SPRY3: variants seen among roughly 807,000 people sequenced by gnomAD.
SPRY3 encodes the protein protein sprouty homolog 3.
Under a neutral mutation model 20.2 loss-of-function variants are expected in SPRY3, and 15 were observed. That is an observed-to-expected ratio of 0.74 (90% CI 0.50 to 1.14). The LOEUF (loss-of-function observed/expected upper bound fraction) is 1.14. SPRY3 is among the 50% of genes most tolerant of loss of function. The probability of loss-of-function intolerance (pLI) is 0.00; values close to 1 mark genes in which losing one functional copy is unlikely to be tolerated. For missense variants in SPRY3, 364 were observed against 363.9 expected, an observed-to-expected ratio of 1.00 and a Z score of 0.00; for synonymous variants, 143 against 136.5, an observed-to-expected ratio of 1.05 and a Z score of -0.33.
chrX:155,727,422 C>A (rs1349088423), intron 2 of SPRY3, among the ~76,000 whole-genome samples: 2 of 152,120 alleles, frequency 1.3e-5, no homozygotes, highest in African/African-American at 4.8e-5. Context: ...CCATTCTCCC[C>A]GTCACTTTCA....
intron 2 of SPRY3, among the ~76,000 whole-genome samples, chrX:155,727,485 G>A (rs1020554847): frequency 3.3e-5 from 5 of 152,028 alleles, no homozygotes; most frequent in African/African-American, 1.2e-4. Flanking sequence ...CATGTTTCTT[G>A]GAGGCTTTGT....
At chrX:155,762,371 G>A (rs368356677) in intron 2 of SPRY3, among the ~76,000 whole-genome samples, 1 of 152,176 alleles carries the variant, frequency 6.6e-6, no homozygotes, top group African/African-American at 2.4e-5. Context: ...AATACCGTAA[G>A]AGAAGTATAA....
chrX:155,718,445 C>T (rs766325956), intron 2 of SPRY3, among the ~76,000 whole-genome samples: 2 of 151,982 alleles, frequency 1.3e-5, no homozygotes, highest in Non-Finnish European at 2.9e-5. Flanking sequence ...ACATATGAGC[C>T]TGACACAGAC....
At chrX:155,677,857 A>G (rs1208504566) in intron 2 of SPRY3, among the ~76,000 whole-genome samples, 1 of 111,441 alleles carries the variant, frequency 9.0e-6, no homozygotes, top group Non-Finnish European at 1.9e-5. Context: ...GAGCAGAAAG[A>G]TTATCTATTT....
chrX:155,625,797 A>T (rs1603112614), intron 1 of SPRY3, among the ~76,000 whole-genome samples: 1 of 111,680 alleles, frequency 9.0e-6, no homozygotes, highest in East Asian at 2.8e-4. Context: ...ATTATTCCAG[A>T]CATTTTATAT....
At chrX:155,738,532 C>A (rs1338080993) in intron 2 of SPRY3, among the ~76,000 whole-genome samples, 1 of 152,120 alleles carries the variant, frequency 6.6e-6, no homozygotes, top group Non-Finnish European at 1.5e-5. Flanking sequence ...CAGGTTCTCA[C>A]ATTGGGACTG....
chrX:155,773,130 CT>C (rs1191407056), intron 3 of SPRY3, among the ~76,000 whole-genome samples: 6 of 149,644 alleles, frequency 4.0e-5, no homozygotes, highest in South Asian at 4.3e-4. Flanking sequence ...CTTGGGAAGC[CT>C]TTTTTTTTCC....
At chrX:155,776,661 C>T (rs899792450) in exon 4 of SPRY3, 8 of 167,070 alleles carry the variant, frequency 4.8e-5, no homozygotes, top group African/African-American at 1.9e-4. Context: ...GACCTCCAGA[C>T]TCTAACTTTA....
intron 2 of SPRY3, among the ~76,000 whole-genome samples, chrX:155,696,958 G>A (rs2068120840): frequency 9.0e-6 from 1 of 111,258 alleles, no homozygotes; most frequent in Non-Finnish European, 1.9e-5. Flanking sequence ...CTAGTAATGG[G>A]TACTTACAAT....
chrX:155,711,879 C>G (rs922754555), intron 2 of SPRY3, among the ~76,000 whole-genome samples: 1 of 151,108 alleles, frequency 6.6e-6, no homozygotes, highest in African/African-American at 2.4e-5. Flanking sequence ...TGCTGTATCC[C>G]TTAGGTTTTG....
chrX:155,716,003 CATA>C (rs2091019760), intron 2 of SPRY3, among the ~76,000 whole-genome samples: 1 of 152,088 alleles, frequency 6.6e-6, no homozygotes, highest in Non-Finnish European at 1.5e-5. Context: ...TGCCTCTTTC[CATA>C]ATAAGAAGTT....
chrX:155,713,660 A>T (rs2091002314), intron 2 of SPRY3, among the ~76,000 whole-genome samples: 1 of 152,058 alleles, frequency 6.6e-6, no homozygotes, highest in African/African-American at 2.4e-5. Flanking sequence ...TTTGATTGTT[A>T]AATGCCTTGA....
chrX:155,723,229 T>A (rs2091073391), intron 2 of SPRY3, among the ~76,000 whole-genome samples: 1 of 152,128 alleles, frequency 6.6e-6, no homozygotes, highest in Non-Finnish European at 1.5e-5. Flanking sequence ...TGTGAATAGT[T>A]CCGCAATAAA....
chrX:155,778,538 T>G (rs1007910186), downstream of SPRY3: 2 of 164,464 alleles, frequency 1.2e-5, no homozygotes, highest in African/African-American at 2.5e-5. Flanking sequence ...AATTTTTTTT[T>G]GAACAAAGTA....
At chrX:155,716,904 C>T (rs1478857850) in intron 2 of SPRY3, among the ~76,000 whole-genome samples, 6 of 149,316 alleles carry the variant, frequency 4.0e-5, no homozygotes, top group African/African-American at 1.2e-4. Context: ...GAGGCTGAGG[C>T]GGGCGGATTG....
intron 2 of SPRY3, among the ~76,000 whole-genome samples, chrX:155,702,926 T>C (rs1002790667): frequency 7.2e-5 from 6 of 83,366 alleles, no homozygotes; most frequent in African/African-American, 3.0e-4. Context: ...TTTATTGATT[T>C]GCGTATATTG....
At chrX:155,704,064 T>C (rs2090930485) in intron 2 of SPRY3, among the ~76,000 whole-genome samples, 1 of 151,920 alleles carries the variant, frequency 6.6e-6, no homozygotes, top group Admixed American at 6.6e-5. Context: ...CTATTTACCT[T>C]GGTCTCTATT....
intron 2 of SPRY3, among the ~76,000 whole-genome samples, chrX:155,759,290 C>A: frequency 1.3e-5 from 2 of 152,196 alleles, no homozygotes; most frequent in East Asian, 3.9e-4. Context: ...TCCCAAAATG[C>A]TGGGATTACA....
chrX:155,647,854 G>T (rs1454572529), intron 1 of SPRY3, among the ~76,000 whole-genome samples: 5 of 111,529 alleles, frequency 4.5e-5, no homozygotes, highest in African/African-American at 1.6e-4. Flanking sequence ...TGGTGTTTCT[G>T]GTTCTAGATC....
Sources: gnomAD v4.1 joint callset for allele counts (sites outside exome capture counted in the v4.1 genomes callset) on GRCh38, gnomAD v4.1.1 for gene constraint, MANE v1.5 for transcripts, NCBI Gene and HGNC (gene_info 2026-07-23, HGNC 2026-07-21) for gene names.